The following SPDYE6 variants were observed in gnomAD, a reference collection of about 807,000 sequenced individuals.
SPDYE6 encodes the protein speedy/RINGO cell cycle regulator family member E6.
For synonymous variants in SPDYE6, 2 were observed against 103.0 expected (o/e 0.02, Z 5.94); for missense variants, 8 against 297.9 (o/e 0.03, Z 7.16).
In SPDYE6 at chr7:102,346,206, TC is replaced by T. The variant is rs2133078231; in HGVS notation, c.*1060del. 8.2e-6 allele frequency among the ~76,000 whole-genome samples: 1 copy of T among 121,548 alleles called. No individual in the cohort carries two copies. Among genetic ancestry groups the T allele is most frequent in the South Asian group, 2.8e-4 (1 of 3,548 alleles). 79.7% of individuals were successfully genotyped at this position (121,548 alleles called of 152,430 possible). A position where few individuals can be genotyped will look rare whatever the true frequency, so the allele number is the denominator to read the frequency against. The stretch of plus-strand genomic sequence containing the variant: ...GCATCTATTCAAAAATACCAGTATT[TC>T]CAAAATATTTAAAATAATATTTAAT... On this transcript the variant is annotated 3_prime_UTR_variant, in exon 8 of 8. Transcript: ENST00000563237.
In SPDYE6 at chr7:102,345,965, A is replaced by C. The variant is rs1302969216; in HGVS notation, c.*1302T>G. Among the ~76,000 whole-genome samples, 1 of 151,964 alleles carries C rather than the reference A, an allele frequency of 6.6e-6. No homozygotes were observed. Among genetic ancestry groups the C allele is most frequent in the African/African-American group, 2.4e-5 (1 of 41,416 alleles). The stretch of plus-strand genomic sequence containing the variant: ...TAAAAATTTATTTTTACAAGAATTT[A>C]GGGGAACTACTACATAGCTATAAAT... On this transcript the variant is annotated 3_prime_UTR_variant, in exon 8 of 8. Coordinates refer to ENST00000563237, the MANE Select transcript of SPDYE6 (RefSeq NM_001146210.4).
rs1794492191 is a variant in SPDYE6, at chr7:102,346,147, GT to G, written c.*1119del. ...AAATTATATGTATGTGTATATAACA[GT>G]TATAATACCCATCACACAGCTTTGT... On this transcript the variant is annotated 3_prime_UTR_variant, in exon 8 of 8. Coordinates refer to ENST00000563237, the MANE Select transcript of SPDYE6 (RefSeq NM_001146210.4). 6.6e-6 allele frequency among the ~76,000 whole-genome samples: 1 copy of G among 150,606 alleles called. No individual in the cohort carries two copies. Among genetic ancestry groups the G allele is most frequent in the South Asian group, 2.1e-4 (1 of 4,800 alleles).
intron 2 of SPDYE6, among the ~76,000 whole-genome samples, chr7:102,353,634 T>TC (rs1554562759): frequency 5.0e-5 from 5 of 100,454 alleles, no homozygotes; most frequent in African/African-American, 1.5e-4. Flanking sequence ...GCTCTCTGAG[T>TC]CCCTTTTTTT....
At position 102,345,956 on chromosome 7, in the gene SPDYE6, C is replaced by T. The variant is rs1794488341; in HGVS notation, c.*1311G>A. Among the ~76,000 whole-genome samples the T allele has an allele frequency of 6.6e-6, 1 of 151,732 alleles. No individual in the cohort carries two copies. Among genetic ancestry groups the T allele is most frequent in the Non-Finnish European group, 1.5e-5 (1 of 67,962 alleles). On this transcript the variant is annotated 3_prime_UTR_variant, in exon 8 of 8. Coordinates refer to ENST00000563237, the MANE Select transcript of SPDYE6 (RefSeq NM_001146210.4). ...AATATCAAATAAAAATTTATTTTTA[C>T]AAGAATTTAGGGGAACTACTACATA...
chr7:102,353,342 T>G lies in SPDYE6; in HGVS notation c.426A>C (p.Lys142Asn). Residue 142 changes from lysine to asparagine, a missense_variant, in exon 3 of 8, where the codon AAA (lysine) becomes AAC (asparagine). Transcript: ENST00000563237. ...PSPPHRSFCW[K>N]RKMEWWDESE... is the part of the protein sequence containing the mutation. ...ATTCGTCCCACCACTCCATCTTCCT[T>G]TTCCAGCAAAAGGACCTATGCGGGG... The G allele has an allele frequency of 1.9e-6, 1 of 520,400 alleles. No homozygotes were observed. The highest frequency in any genetic ancestry group is 3.1e-5 in the East Asian group (1 of 32,570). 32.2% of individuals were successfully genotyped at this position (520,400 alleles called of 1,614,324 possible).
rs1324880550 is a variant in SPDYE6, at chr7:102,346,127, A to T, written c.*1140T>A. Among the ~76,000 whole-genome samples, 4 of 151,380 alleles carry T rather than the reference A, an allele frequency of 2.6e-5. No homozygotes were observed. Among genetic ancestry groups the T allele is most frequent in the African/African-American group, 9.7e-5 (4 of 41,354 alleles). On this transcript the variant is annotated 3_prime_UTR_variant, in exon 8 of 8. Transcript: ENST00000563237. ...CTCTCTTAAAAAGGAAAACAAAATT[A>T]TATGTATGTGTATATAACAGTTATA...
chr7:102,345,922 C>T lies in SPDYE6; in HGVS notation c.*1345G>A, dbSNP rs190979585. Among the ~76,000 whole-genome samples, 4 of 152,052 alleles carry T rather than the reference C, an allele frequency of 2.6e-5. No individual in the cohort carries two copies. The highest frequency in any genetic ancestry group is 1.3e-4 in the Admixed American group (2 of 15,264). On this transcript the variant is annotated 3_prime_UTR_variant, in exon 8 of 8. Coordinates refer to ENST00000563237, the MANE Select transcript of SPDYE6 (RefSeq NM_001146210.4). ...TACATCTGAATTCTCACATTTCAAA[C>T]ATATATGAAATATCAAATAAAAATT... is the stretch of plus-strand genomic sequence containing the variant.
chr7:102,347,032 A>AC lies in SPDYE6; in HGVS notation c.*234dup, dbSNP rs1477160749. On this transcript the variant is annotated 3_prime_UTR_variant, in exon 8 of 8. Coordinates refer to ENST00000563237, the MANE Select transcript of SPDYE6 (RefSeq NM_001146210.4). Reference sequence around the variant, plus strand: ...CTTTTCTCCAAGGACTCCTAGAAGGACCCCACCCCCCTCCCCCCACCCCTG... The same window carrying AC: ...CTTTTCTCCAAGGACTCCTAGAAGGACCCCCACCCCCCTCCCCCCACCCCTG... Among the ~76,000 whole-genome samples the AC allele has an allele frequency of 8.5e-5, 9 of 105,694 alleles. No homozygotes were observed. Among genetic ancestry groups the AC allele is most frequent in the South Asian group, 1.1e-3 (2 of 1,852 alleles). The allele number at this position is 105,694 out of a possible 152,430, so 69.3% of individuals were successfully genotyped here. A position where few individuals can be genotyped will look rare whatever the true frequency, so the allele number is the denominator to read the frequency against.
intron 3 of SPDYE6, among the ~76,000 whole-genome samples, chr7:102,352,444 G>A: frequency 7.0e-6 from 1 of 142,824 alleles, no homozygotes; most frequent in East Asian, 2.1e-4. Context: ...ATTTCCTCAT[G>A]AGACAGTCAC....
At chr7:102,352,313 G>C (rs1416913523) in intron 3 of SPDYE6, among the ~76,000 whole-genome samples, 189 bp from the exon 4 acceptor site, 19 of 151,132 alleles carry the variant, frequency 1.3e-4, no homozygotes, top group Non-Finnish European at 2.2e-4. Context: ...AGACTCCCCT[G>C]AGAAGAGGCC....
Position 102,346,414 on chromosome 7 carries a change from A to G in SPDYE6, c.*853T>C, listed in dbSNP as rs1794497652. On this transcript the variant is annotated 3_prime_UTR_variant, in exon 8 of 8. Transcript: ENST00000563237. Reference sequence around the variant, plus strand: ...AATCACAACTGAATTCTCACAATTCAGTCACAAACCTAAACAGCAAATAAA... The same window carrying G: ...AATCACAACTGAATTCTCACAATTCGGTCACAAACCTAAACAGCAAATAAA... Among the ~76,000 whole-genome samples the G allele has an allele frequency of 6.7e-6, 1 of 149,942 alleles. No individual in the cohort carries two copies. The highest frequency in any genetic ancestry group is 2.4e-5 in the African/African-American group (1 of 41,214).
rs1554561961 is a variant in SPDYE6, at chr7:102,345,795, C to T, written c.*1472G>A. Among the ~76,000 whole-genome samples, 1 of 152,128 alleles carries T rather than the reference C, an allele frequency of 6.6e-6. No individual in the cohort carries two copies. Among genetic ancestry groups the T allele is most frequent in the East Asian group, 1.9e-4 (1 of 5,198 alleles). On this transcript the variant is annotated 3_prime_UTR_variant, in exon 8 of 8. Transcript: ENST00000563237. Reference sequence around the variant, plus strand: ...ATTTTTATTATGTTTCCCCAAGAGACCCACTCTATTGTTCTCTTGAAAACA... The same window carrying T: ...ATTTTTATTATGTTTCCCCAAGAGATCCACTCTATTGTTCTCTTGAAAACA...
Position 102,346,598 on chromosome 7 carries a change from G to A in SPDYE6, c.*669C>T, listed in dbSNP as rs1244854574. Among the ~76,000 whole-genome samples, 4 of 151,460 alleles carry A rather than the reference G, an allele frequency of 2.6e-5. No individual in the cohort carries two copies. The East Asian group carries it at 7.7e-4, about 29-fold the overall frequency. ...AATTTAAAGATAATAAAATATTTAG[G>A]ATAAAAGAATTGTCTCTTAAAAATG... On this transcript the variant is annotated 3_prime_UTR_variant, in exon 8 of 8. Coordinates refer to ENST00000563237, the MANE Select transcript of SPDYE6 (RefSeq NM_001146210.4).
chr7:102,348,849 AG>A (rs1406377535), intron 5 of SPDYE6, among the ~76,000 whole-genome samples, 172 bp from the exon 6 acceptor site: 1 of 147,516 alleles, frequency 6.8e-6, no homozygotes, highest in East Asian at 2.0e-4. Context: ...GACCTGATCA[AG>A]GGCGTCTCCC....
At chr7:102,353,655 TTC>T (rs1446388194) in intron 2 of SPDYE6, among the ~76,000 whole-genome samples, 15,981 of 146,270 alleles carry the variant, frequency 0.11, 6 homozygotes, top group East Asian at 0.13. Flanking sequence ...TTTTTTTTTT[TTC>T]GTTGTTGTTG....
chr7:102,346,540 C>T lies in SPDYE6; in HGVS notation c.*727G>A, dbSNP rs1393342994. Among the ~76,000 whole-genome samples, 1 of 150,996 alleles carries T rather than the reference C, an allele frequency of 6.6e-6. No homozygotes were observed. The highest frequency in any genetic ancestry group is 1.5e-5 in the Non-Finnish European group (1 of 67,746). On this transcript the variant is annotated 3_prime_UTR_variant, in exon 8 of 8. Transcript: ENST00000563237. ...AAGTATCATAGATAAAAAGAGTGCT[C>T]GCTTCAGGAGCACATATAATAATAC... is the stretch of plus-strand genomic sequence containing the variant.
chr7:102,353,655 T>C (rs76965441), intron 2 of SPDYE6, among the ~76,000 whole-genome samples: 1 of 148,216 alleles, frequency 6.7e-6, no homozygotes, highest in Non-Finnish European at 1.5e-5. Flanking sequence ...TTTTTTTTTT[T>C]TCGTTGTTGT....
chr7:102,346,281 A>T lies in SPDYE6; in HGVS notation c.*986T>A, dbSNP rs1384653073. ...AAATATATTTAATAAATATTTAAAT[A>T]AATAAAATAATATTTAAATAATTCT... is the stretch of plus-strand genomic sequence containing the variant. On this transcript the variant is annotated 3_prime_UTR_variant, in exon 8 of 8. Transcript: ENST00000563237. Among the ~76,000 whole-genome samples, 6 of 147,662 alleles carry T rather than the reference A, an allele frequency of 4.1e-5. No homozygotes were observed. The highest frequency in any genetic ancestry group is 1.5e-4 in the African/African-American group (6 of 40,850).
Position 102,346,687 on chromosome 7 carries a change from G to A in SPDYE6, c.*580C>T, listed in dbSNP as rs1794503907. Among the ~76,000 whole-genome samples the A allele has an allele frequency of 6.6e-6, 1 of 151,214 alleles. No homozygotes were observed. Among genetic ancestry groups the A allele is most frequent in the South Asian group, 2.1e-4 (1 of 4,790 alleles). ...CTCTCATCAAAAAACTACAGGAACA[G>A]CATGTTTTCAAAAGTACAACAATTT... On this transcript the variant is annotated 3_prime_UTR_variant, in exon 8 of 8. Coordinates refer to ENST00000563237, the MANE Select transcript of SPDYE6 (RefSeq NM_001146210.4).
Sources: allele counts gnomAD v4.1 joint callset (sites outside exome capture counted in the v4.1 genomes callset), GRCh38; gene constraint gnomAD v4.1.1; transcripts MANE v1.5; gene names NCBI Gene and HGNC (gene_info 2026-07-23, HGNC 2026-07-21).